Variants in CIMAP1A observed in about 807,000 individuals in gnomAD.
The protein encoded by CIMAP1A is cancer/testis antigen 135.
chr11:200,141 G>C, the CIMAP1A span: 1 of 1,078,844 alleles, frequency 9.3e-7, no homozygotes, highest in Non-Finnish European at 1.4e-6. Context: ...TGGCCCTGCA[G>C]GGCAGAGCAC....
At chr11:197,956 AC>A in the CIMAP1A span, 2 of 1,522,980 alleles carry the variant, frequency 1.3e-6, no homozygotes, top group Non-Finnish European at 8.8e-7. Context: ...TCCAGCTCCG[AC>A]CTGGACCTTT....
the CIMAP1A span, chr11:198,240 T>C: frequency 6.2e-7 from 1 of 1,614,036 alleles, no homozygotes; most frequent in East Asian, 2.2e-5. Context: ...CGTGTTCGAC[T>C]CAGCACCCAG....
chr11:197,576 C>A, the CIMAP1A span: 1 of 1,613,174 alleles, frequency 6.2e-7, no homozygotes, highest in Non-Finnish European at 8.5e-7. Flanking sequence ...ATGAAGCACA[C>A]GCCCACCAAG....
chr11:200,115 C>T, the CIMAP1A span: 2 of 1,469,568 alleles, frequency 1.4e-6, no homozygotes, highest in Non-Finnish European at 1.9e-6. Context: ...TCTTCACCAG[C>T]TGGGCTGGGC....
the CIMAP1A span, chr11:197,710 T>C: frequency 1.2e-6 from 2 of 1,613,690 alleles, no homozygotes; most frequent in Non-Finnish European, 1.7e-6. Flanking sequence ...TGGCCCTGCC[T>C]ACTCCATCCT....
chr11:197,853 G>A, the CIMAP1A span: 1 of 1,517,150 alleles, frequency 6.6e-7, no homozygotes, highest in Non-Finnish European at 8.9e-7. Flanking sequence ...GCAAGGGTGT[G>A]GGAGAGCTCA....
At chr11:198,770 G>T in the CIMAP1A span, 1 of 1,437,496 alleles carries the variant, frequency 7.0e-7, no homozygotes. Context: ...CAGGCAACAG[G>T]CCAGAAGGGA....
At chr11:200,177 T>A in the CIMAP1A span, 1 of 693,398 alleles carries the variant, frequency 1.4e-6, no homozygotes, top group Non-Finnish European at 2.4e-6. Context: ...TGTAATCAGT[T>A]ACTTTTTTTC....
chr11:199,329 T>C, the CIMAP1A span: 13 of 1,552,834 alleles, frequency 8.4e-6, no homozygotes, highest in Non-Finnish European at 1.1e-5. Flanking sequence ...CCACACGCCC[T>C]GGGTAGGCCG....
At chr11:198,447 C>T in the CIMAP1A span, 3 of 1,613,254 alleles carry the variant, frequency 1.9e-6, no homozygotes, top group Non-Finnish European at 2.5e-6. Context: ...GCCTGAGGCT[C>T]CACGTCCACC....
the CIMAP1A span, chr11:197,685 G>C: frequency 1.2e-6 from 2 of 1,613,758 alleles, no homozygotes; most frequent in Non-Finnish European, 1.7e-6. Context: ...AGATACTGAG[G>C]ACTGGCAAGG....
At chr11:199,392 C>G in the CIMAP1A span, 9 of 1,574,762 alleles carry the variant, frequency 5.7e-6, no homozygotes, top group Non-Finnish European at 7.8e-6. Context: ...CAGCCTACCG[C>G]CAAACTGATG....
chr11:197,455 C>T, the CIMAP1A span: 799 of 1,590,034 alleles, frequency 5.0e-4, no homozygotes, highest in Non-Finnish European at 6.5e-4. Flanking sequence ...AGGAGCCAGG[C>T]GGGCAGGTGG....
the CIMAP1A span, chr11:198,143 A>C: frequency 4.4e-6 from 7 of 1,584,000 alleles, no homozygotes; most frequent in African/African-American, 1.4e-5. Context: ...TGAGCCCCCA[A>C]ACTGGGCTGC....
the CIMAP1A span, chr11:199,544 G>A: frequency 1.3e-6 from 2 of 1,544,052 alleles, no homozygotes; most frequent in Non-Finnish European, 1.7e-6. Context: ...GGGTCAGGGT[G>A]GGGCAGGGTC....
At chr11:199,397 C>T in the CIMAP1A span, 1 of 1,575,352 alleles carries the variant, frequency 6.3e-7, no homozygotes, top group Non-Finnish European at 8.6e-7. Context: ...TACCGCCAAA[C>T]TGATGTGCGG....
the CIMAP1A span, chr11:198,709 C>G: frequency 1.9e-5 from 28 of 1,486,882 alleles, 3 homozygotes; most frequent in South Asian, 3.9e-4. Context: ...AGCCCTTCAC[C>G]CTCTGGGCAC....
the CIMAP1A span, chr11:198,948 G>A: frequency 8.4e-7 from 1 of 1,187,738 alleles, no homozygotes; most frequent in South Asian, 2.4e-5. Context: ...TTCAGAAACA[G>A]CCAGTGCAAA....
At chr11:200,174 A>G in the CIMAP1A span, 2 of 705,432 alleles carry the variant, frequency 2.8e-6, no homozygotes, top group Non-Finnish European at 4.6e-6. Flanking sequence ...AATTGTAATC[A>G]GTTACTTTTT....
Sources: allele counts gnomAD v4.1 joint callset, GRCh38; gene constraint gnomAD v4.1.1; transcripts MANE v1.5; gene names NCBI Gene and HGNC (gene_info 2026-07-23, HGNC 2026-07-21).